CFTR: variants seen among roughly 807,000 people sequenced by gnomAD.
The protein encoded by CFTR is CF transmembrane conductance regulator.
Under a neutral mutation model 171.6 loss-of-function variants are expected in CFTR, and 181 were observed. The observed-to-expected ratio is 1.05, with a 90% CI of 0.93 to 1.19. The LOEUF (loss-of-function observed/expected upper bound fraction) is 1.19. Ranked by LOEUF, CFTR falls within the 50% of genes most tolerant of loss-of-function variation. The pLI is 0.00. For synonymous variants in CFTR, 583 were observed against 608.0 expected (o/e 0.96, Z 0.60); for missense variants, 1,968 against 1,734.7 (o/e 1.13, Z -2.39).
At chr7:117,520,899 A>C (rs565891560) in intron 3 of CFTR, among the ~76,000 whole-genome samples, 1 of 152,000 alleles carries the variant, frequency 6.6e-6, no homozygotes, top group African/African-American at 2.4e-5. Context: ...CTTCCAAAAA[A>C]ATCTTTAAAT....
intron 1 of CFTR, among the ~76,000 whole-genome samples, chr7:117,487,032 G>A (rs1207261173): frequency 6.6e-6 from 1 of 152,098 alleles, no homozygotes; most frequent in Non-Finnish European, 1.5e-5. Context: ...TTGGATAATA[G>A]AGGGGACAGT....
At position 117,614,694 on chromosome 7, in the gene CFTR, G is replaced by A; in HGVS notation, c.3449G>A (p.Ser1150Asn). Reference protein sequence around the residue: ...MSTLQWAVNSSIDVDSLMRSV... With the variant: ...MSTLQWAVNSNIDVDSLMRSV... ...ACATTGCAGTGGGCTGTAAACTCCA[G>A]CATAGATGTGGATAGCTTGGTAAGT... The change falls in exon 21 of 27, where the codon AGC becomes AAC. Residue 1150 changes from serine to asparagine, a missense_variant. Coordinates refer to ENST00000003084, the MANE Select transcript of CFTR (RefSeq NM_000492.4). The A allele has an allele frequency of 6.2e-7, 1 of 1,610,946 alleles. No homozygotes were observed.
At chr7:117,606,185 C>T (rs1432331329) in intron 17 of CFTR, among the ~76,000 whole-genome samples, 2 of 151,960 alleles carry the variant, frequency 1.3e-5, no homozygotes, top group Non-Finnish European at 2.9e-5. Flanking sequence ...CAAAGGAGGA[C>T]AAGACAGTGG....
chr7:117,614,212 T>C (rs1022536825), intron 20 of CFTR, among the ~76,000 whole-genome samples: 1 of 152,088 alleles, frequency 6.6e-6, no homozygotes. Context: ...TTTTGGTCTC[T>C]TTGTAAAGCA....
rs575041648 is a variant in CFTR, at chr7:117,596,395, C to T, written c.2619+1337C>T. Among the ~76,000 whole-genome samples the T allele has an allele frequency of 2.1e-4, 32 of 152,344 alleles. No homozygotes were observed. In the South Asian group the frequency reaches 3.5e-3, roughly 17 times the overall value. On this transcript the variant is annotated intron_variant, in intron 15 of 26. Coordinates refer to ENST00000003084, the MANE Select transcript of CFTR (RefSeq NM_000492.4). ...ATGCCTGAGCCTCCCCCCAACCTGC[C>T]GCTGCAGTGGGCTCCTGCGTGGCCC...
chr7:117,534,517 G>T (rs565032013), intron 5 of CFTR, 152 bp downstream of exon 5: 7 of 647,216 alleles, frequency 1.1e-5, no homozygotes, highest in East Asian at 2.8e-5. Context: ...AAGGTCAATT[G>T]TATAGCAGAG....
intron 11 of CFTR, 141 bp downstream of exon 11, chr7:117,559,796 AT>A: frequency 1.6e-6 from 1 of 634,938 alleles, no homozygotes; most frequent in South Asian, 1.8e-5. Flanking sequence ...GAATGGATCA[AT>A]TAATAAAACA....
At chr7:117,534,677 C>T (rs1365804743) in intron 5 of CFTR, among the ~76,000 whole-genome samples, 3 of 152,150 alleles carry the variant, frequency 2.0e-5, no homozygotes, top group Admixed American at 6.6e-5. Flanking sequence ...GATACCTGAG[C>T]AATTCTTGTT....
rs1374326110 is a variant in CFTR at position 117,611,699 on chromosome 7, T to C, written c.3258T>C (p.Thr1086=). ...TLFHKALNLH[T]ANWFLYLSTL... The stretch of plus-strand genomic sequence containing the variant: ...TCCACAAAGCTCTGAATTTACATAC[T>C]GCCAACTGGTTCTTGTACCTGTCAA... Residue 1086 remains threonine, a synonymous_variant, in exon 20 of 27, where the codon ACT becomes ACC. Coordinates refer to ENST00000003084, the MANE Select transcript of CFTR (RefSeq NM_000492.4). 1 of 1,613,590 alleles carries C rather than the reference T, an allele frequency of 6.2e-7. No homozygotes were observed. The highest frequency in any genetic ancestry group is 1.3e-5 in the African/African-American group (1 of 74,994).
intron 3 of CFTR, among the ~76,000 whole-genome samples, chr7:117,529,889 C>T (rs1245950671): frequency 6.6e-6 from 1 of 152,078 alleles, no homozygotes; most frequent in Non-Finnish European, 1.5e-5. Flanking sequence ...GCATCATTTC[C>T]TCTCAGGGTT....
At chr7:117,559,197 A>G (rs1374315324) in intron 10 of CFTR, among the ~76,000 whole-genome samples, 2 of 152,114 alleles carry the variant, frequency 1.3e-5, no homozygotes, top group African/African-American at 4.8e-5. Context: ...ACCTATTCCA[A>G]CTATCTGAAT....
intron 10 of CFTR, among the ~76,000 whole-genome samples, chr7:117,552,077 C>T (rs905105898): frequency 2.6e-5 from 4 of 151,686 alleles, no homozygotes; most frequent in African/African-American, 7.3e-5. Flanking sequence ...TATATATATA[C>T]ACACACACAT....
chr7:117,481,891 G>A (rs1369271544), intron 1 of CFTR, among the ~76,000 whole-genome samples: 1 of 152,192 alleles, frequency 6.6e-6, no homozygotes, highest in Non-Finnish European at 1.5e-5. Context: ...CTACTGTTTA[G>A]TAGCTCTGTT....
chr7:117,638,189 A>C (rs1792855647), intron 22 of CFTR, among the ~76,000 whole-genome samples: 1 of 152,152 alleles, frequency 6.6e-6, no homozygotes. Context: ...TTTGGGGGGC[A>C]GTGGTTTGCC....
chr7:117,580,687 A>T (rs1791836637), intron 11 of CFTR, among the ~76,000 whole-genome samples: 1 of 152,168 alleles, frequency 6.6e-6, no homozygotes, highest in Non-Finnish European at 1.5e-5. Context: ...TTACACTTTC[A>T]GTCTAGTCTA....
chr7:117,556,205 C>T (rs1799350656), intron 10 of CFTR, among the ~76,000 whole-genome samples: 1 of 152,000 alleles, frequency 6.6e-6, no homozygotes, highest in Admixed American at 6.5e-5. Context: ...GCTGGGACTA[C>T]AGGCACGCAC....
intron 24 of CFTR, among the ~76,000 whole-genome samples, chr7:117,662,777 G>A (rs1793312478): frequency 6.6e-6 from 1 of 152,116 alleles, no homozygotes; most frequent in African/African-American, 2.4e-5. Context: ...TTGGTAAGGA[G>A]GAGAATGATT....
intron 3 of CFTR, among the ~76,000 whole-genome samples, chr7:117,509,859 A>G (rs1307293935): frequency 6.6e-6 from 1 of 152,114 alleles, no homozygotes; most frequent in Non-Finnish European, 1.5e-5. Context: ...AGACTTGTTT[A>G]ATCTTCTTGT....
Position 117,534,321 on chromosome 7 carries a change from C to CAACT in CFTR, c.536_539dup (p.Val181ThrfsTer3). The CAACT allele has an allele frequency of 6.2e-7, 1 of 1,605,794 alleles. No individual in the cohort carries two copies. The highest frequency in any genetic ancestry group is 8.5e-7 in the Non-Finnish European group (1 of 1,172,978). ...TGTTCTAGATAAAATAAGTATTGGA[C>CAACT]AACTTGTTAGTCTCCTTTCCAACAA... On this transcript the variant is annotated frameshift_variant, in exon 5 of 27. Coordinates refer to ENST00000003084, the MANE Select transcript of CFTR (RefSeq NM_000492.4). LOFTEE classifies it high-confidence loss of function.
Sources: allele counts gnomAD v4.1 joint callset (sites outside exome capture counted in the v4.1 genomes callset), GRCh38; gene constraint gnomAD v4.1.1; transcripts MANE v1.5; gene names NCBI Gene and HGNC (gene_info 2026-07-23, HGNC 2026-07-21).